The following RBFOX1 variants were observed in gnomAD, a reference collection of about 807,000 sequenced individuals.
RBFOX1 encodes RNA binding fox-1 homolog 1.
A neutral mutation model predicts 57.7 loss-of-function variants in RBFOX1; 8 were observed. The ratio of observed to expected loss-of-function variants is 0.14; its 90% confidence interval spans 0.08 to 0.25. RBFOX1 has a LOEUF of 0.25. RBFOX1 is among the 10% of genes least tolerant of loss of function. The pLI is 1.00. For missense variants in RBFOX1, 611 were observed against 548.5 expected (o/e 1.11, Z -1.14); for synonymous variants, 326 against 222.4 (o/e 1.47, Z -4.15).
intron 4 of RBFOX1, among the ~76,000 whole-genome samples, chr16:7,349,239 T>G (rs111482056): frequency 1.3e-5 from 2 of 152,260 alleles, no homozygotes; most frequent in African/African-American, 4.8e-5. Context: ...CCTGGCAGCC[T>G]TCTATCACAA....
At chr16:5,252,335 G>A (rs77740995) in intron 1 of RBFOX1, among the ~76,000 whole-genome samples, 1 of 152,194 alleles carries the variant, frequency 6.6e-6, no homozygotes, top group South Asian at 2.1e-4. Flanking sequence ...TCTTTGGGGG[G>A]CAAGTATATC....
At position 7,510,103 on chromosome 16, in the gene RBFOX1, G is replaced by A. The variant is rs567968026; in HGVS notation, c.28-8044G>A. On this transcript the variant is annotated intron_variant, in intron 4 of 15. Transcript: ENST00000550418. Reference sequence around the variant, plus strand: ...TCCTGGCAGAAAAAGTGCCATCTGGGTTGGTTTTGGGAGCAGTCAGATGTT... The same window carrying A: ...TCCTGGCAGAAAAAGTGCCATCTGGATTGGTTTTGGGAGCAGTCAGATGTT... The A allele has an allele frequency of 6.1e-6, 6 of 983,166 alleles. No individual in the cohort carries two copies. The African/African-American group carries it at 8.7e-5, about 14-fold the overall frequency. 60.9% of individuals were successfully genotyped at this position (983,166 alleles called of 1,614,324 possible).
intron 2 of RBFOX1, among the ~76,000 whole-genome samples, chr16:6,541,706 A>T (rs1420061): frequency 2.0e-5 from 3 of 151,992 alleles, no homozygotes; most frequent in Non-Finnish European, 2.9e-5. Context: ...TGTAGGTCAG[A>T]GATGATGGTA....
At chr16:6,965,594 C>A (rs1016536831) in intron 3 of RBFOX1, among the ~76,000 whole-genome samples, 1 of 152,188 alleles carries the variant, frequency 6.6e-6, no homozygotes. Flanking sequence ...AACTTGGCTT[C>A]CCAAAGTGCT....
At chr16:6,905,290 A>G (rs1428960915) in intron 3 of RBFOX1, among the ~76,000 whole-genome samples, 1 of 152,100 alleles carries the variant, frequency 6.6e-6, no homozygotes, top group Admixed American at 6.6e-5. Context: ...TCAGTAGGTC[A>G]TTCCTGTAAT....
rs2049544885 is a variant in RBFOX1 at position 5,658,799 on chromosome 16, GTGTATATA to G, written c.318+59848_318+59855del. ...GTATATATGTATATATATAATATAT[GTGTATATA>G]TGTATATATAATATATGTATATATG... On this transcript the variant is annotated intron_variant, in intron 3 of 19. Transcript: ENST00000641259. Among the ~76,000 whole-genome samples the G allele has an allele frequency of 3.0e-5, 4 of 135,180 alleles. No homozygotes were observed. In the South Asian group the frequency reaches 8.5e-4, roughly 29 times the overall value. 88.7% of individuals were successfully genotyped at this position (135,180 alleles called of 152,430 possible).
At chr16:5,885,849 C>G (rs1480864667) in intron 4 of RBFOX1, among the ~76,000 whole-genome samples, 2 of 152,140 alleles carry the variant, frequency 1.3e-5, no homozygotes, top group African/African-American at 2.4e-5. Flanking sequence ...CACCTACTAG[C>G]TGGGTTACTG....
intron 3 of RBFOX1, among the ~76,000 whole-genome samples, chr16:5,712,256 A>G (rs2051517715): frequency 6.6e-6 from 1 of 152,182 alleles, no homozygotes; most frequent in Admixed American, 6.5e-5. Flanking sequence ...TTGAGTGGGG[A>G]CACGAAGCCA....
chr16:5,334,745 A>G (rs566218280), intron 1 of RBFOX1, among the ~76,000 whole-genome samples: 1 of 151,876 alleles, frequency 6.6e-6, no homozygotes, highest in African/African-American at 2.4e-5. Context: ...TACCATGGGC[A>G]ATGTGGTACA....
At chr16:7,242,295 C>T (rs1269241980) in intron 4 of RBFOX1, among the ~76,000 whole-genome samples, 2 of 152,100 alleles carry the variant, frequency 1.3e-5, no homozygotes, top group African/African-American at 2.4e-5. Flanking sequence ...GAATAAAACA[C>T]ATGGAAAAAT....
chr16:6,988,611 C>T (rs751174169), intron 3 of RBFOX1, among the ~76,000 whole-genome samples: 2 of 151,358 alleles, frequency 1.3e-5, no homozygotes, highest in Non-Finnish European at 2.9e-5. Context: ...CTTGCTCTGT[C>T]CCCTAGGCTG....
At chr16:5,890,054 G>A (rs896305595) in intron 4 of RBFOX1, among the ~76,000 whole-genome samples, 17 of 152,286 alleles carry the variant, frequency 1.1e-4, no homozygotes, top group African/African-American at 4.1e-4. Context: ...TGGCAGTTCC[G>A]TGTGTTCCAG....
At chr16:6,637,317 T>TTATA (rs1555636296) in intron 2 of RBFOX1, among the ~76,000 whole-genome samples, 1 of 11,754 alleles carries the variant, frequency 8.5e-5, no homozygotes, top group Non-Finnish European at 1.8e-4. Flanking sequence ...ATATTATATA[T>TTATA]TATATATATT....
chr16:5,264,237 G>T (rs1445580386), intron 1 of RBFOX1, among the ~76,000 whole-genome samples: 1 of 152,168 alleles, frequency 6.6e-6, no homozygotes, highest in African/African-American at 2.4e-5. Flanking sequence ...TGATGATGAA[G>T]ATCAAGGGGC....
intron 3 of RBFOX1, among the ~76,000 whole-genome samples, chr16:6,849,888 A>G (rs1375848832): frequency 6.6e-6 from 1 of 152,070 alleles, no homozygotes; most frequent in African/African-American, 2.4e-5. Context: ...TCCCTGATTT[A>G]TAATTATTTG....
At chr16:6,124,717 G>A (rs1024475191) in intron 1 of RBFOX1, among the ~76,000 whole-genome samples, 3 of 151,958 alleles carry the variant, frequency 2.0e-5, no homozygotes, top group Admixed American at 6.6e-5. Context: ...CAGTAGAGAC[G>A]GGGTTTCACC....
At chr16:5,464,311 C>T (rs1369647552) in intron 1 of RBFOX1, among the ~76,000 whole-genome samples, 1 of 152,186 alleles carries the variant, frequency 6.6e-6, no homozygotes, top group Non-Finnish European at 1.5e-5. Flanking sequence ...GTCCAGATGC[C>T]ATGGTGAATG....
chr16:7,125,362 G>A (rs905083059), intron 4 of RBFOX1, among the ~76,000 whole-genome samples: 6 of 152,176 alleles, frequency 3.9e-5, no homozygotes, highest in African/African-American at 1.4e-4. Context: ...CCTCAGCAGA[G>A]TGCCAGGCAA....
At chr16:5,957,829 C>T (rs991092452) in intron 4 of RBFOX1, among the ~76,000 whole-genome samples, 3 of 152,088 alleles carry the variant, frequency 2.0e-5, no homozygotes, top group African/African-American at 7.2e-5. Context: ...TCCACTTATA[C>T]TCTTTTAGTT....
Sources: gnomAD v4.1 joint callset for allele counts (sites outside exome capture counted in the v4.1 genomes callset) on GRCh38, gnomAD v4.1.1 for gene constraint, MANE v1.5 for transcripts, NCBI Gene and HGNC (gene_info 2026-07-23, HGNC 2026-07-21) for gene names.